Variants in HS6ST3 observed in about 807,000 individuals in gnomAD.
The protein encoded by HS6ST3 is heparan sulfate 6-O-sulfotransferase 3.
A neutral mutation model predicts 36.7 loss-of-function variants in HS6ST3; 12 were observed. That is an observed-to-expected ratio of 0.33 (90% CI 0.21 to 0.53). The LOEUF (loss-of-function observed/expected upper bound fraction) is 0.53, where lower values mean the gene tolerates loss of function less well. Ranked by LOEUF, HS6ST3 falls within the 20% of genes least tolerant of loss-of-function variation. HS6ST3 has a pLI of 0.95. For synonymous variants in HS6ST3, 240 were observed against 257.5 expected (o/e 0.93, Z 0.65); for missense variants, 584 against 640.9 (o/e 0.91, Z 0.96).
intron 1 of HS6ST3, among the ~76,000 whole-genome samples, chr13:96,812,781 A>ACG (rs1004922391): frequency 1.3e-4 from 20 of 151,158 alleles, no homozygotes; most frequent in Non-Finnish European, 2.2e-4. Flanking sequence ...AAAAATCAAC[A>ACG]CACACACACA....
chr13:96,590,738 T>C (rs1380170597), intron 1 of HS6ST3, among the ~76,000 whole-genome samples: 1 of 152,128 alleles, frequency 6.6e-6, no homozygotes, highest in Non-Finnish European at 1.5e-5. Context: ...CCTATACTTG[T>C]GGGGTATTAC....
At chr13:96,638,391 T>C (rs759589729) in intron 1 of HS6ST3, among the ~76,000 whole-genome samples, 1 of 152,046 alleles carries the variant, frequency 6.6e-6, no homozygotes, top group Non-Finnish European at 1.5e-5. Context: ...TTGGTTAATC[T>C]TAGGCAAGTT....
Position 96,317,363 on chromosome 13 carries a change from T to A in HS6ST3, c.707+225794T>A, listed in dbSNP as rs1413557007. On this transcript the variant is annotated intron_variant, in intron 1 of 1. Coordinates refer to ENST00000376705, the MANE Select transcript of HS6ST3 (RefSeq NM_153456.4). ...ATATATATATATATATATATATATATATATAAAATTATATATATATATATA... is the reference window on the plus strand; with the variant it reads ...ATATATATATATATATATATATATAAATATAAAATTATATATATATATATA... 2.6e-4 allele frequency among the ~76,000 whole-genome samples: 5 copies of A among 19,424 alleles called. No homozygotes were observed. In the East Asian group the frequency reaches 7.4e-3, roughly 29 times the overall value. The allele number at this position is 19,424 out of a possible 152,430, so 12.7% of individuals were successfully genotyped here.
chr13:96,433,431 G>A (rs1390744608), intron 1 of HS6ST3, among the ~76,000 whole-genome samples: 1 of 152,148 alleles, frequency 6.6e-6, no homozygotes, highest in African/African-American at 2.4e-5. Flanking sequence ...ATTGAATCCT[G>A]GGGTTGGTTT....
At chr13:96,820,745 T>C (rs1878516742) in intron 1 of HS6ST3, among the ~76,000 whole-genome samples, 1 of 152,258 alleles carries the variant, frequency 6.6e-6, no homozygotes, top group African/African-American at 2.4e-5. Context: ...CCCAACATTC[T>C]TGAAATTATG....
intron 1 of HS6ST3, among the ~76,000 whole-genome samples, chr13:96,184,835 G>A (rs539765665): frequency 6.6e-6 from 1 of 151,566 alleles, no homozygotes; most frequent in East Asian, 1.9e-4. Flanking sequence ...ATTGATTATT[G>A]ATTTTCTTCT....
intron 1 of HS6ST3, among the ~76,000 whole-genome samples, chr13:96,175,724 C>G (rs557664447): frequency 6.6e-6 from 1 of 150,938 alleles, no homozygotes; most frequent in African/African-American, 2.4e-5. Context: ...CTAATTTCCC[C>G]TCTTGTTCTC....
chr13:96,212,506 A>T lies in HS6ST3; in HGVS notation c.707+120937A>T, dbSNP rs1248317432. Among the ~76,000 whole-genome samples, 3 of 152,236 alleles carry T rather than the reference A, an allele frequency of 2.0e-5. No individual in the cohort carries two copies. In the East Asian group the frequency reaches 5.8e-4, roughly 29 times the overall value. On this transcript the variant is annotated intron_variant, in intron 1 of 1. Transcript: ENST00000376705. ...GTGTTCAAATTACATAAATGTAGTCAATTACGTATTTTCAGAGAAAAACAA... is the reference window on the plus strand; with the variant it reads ...GTGTTCAAATTACATAAATGTAGTCTATTACGTATTTTCAGAGAAAAACAA...
intron 1 of HS6ST3, among the ~76,000 whole-genome samples, chr13:96,327,333 A>T (rs922262861): frequency 6.6e-6 from 1 of 151,990 alleles, no homozygotes; most frequent in African/African-American, 2.4e-5. Context: ...TAAGTCTTTA[A>T]TCCATCTTCA....
chr13:96,485,780 C>T (rs1232090505), intron 1 of HS6ST3, among the ~76,000 whole-genome samples: 2 of 152,140 alleles, frequency 1.3e-5, no homozygotes, highest in Non-Finnish European at 2.9e-5. Flanking sequence ...GTTCTACTGA[C>T]ATGACATGTA....
chr13:96,091,066 GC>G lies in HS6ST3; in HGVS notation c.208del (p.Gln70SerfsTer62). On this transcript the variant is annotated frameshift_variant, in exon 1 of 2. Transcript: ENST00000376705. LOFTEE classifies it high-confidence loss of function. Reference sequence around the variant, plus strand: ...CGCCGCCGGAGGAGTGGGAGCGGCGGCCCCAGTTGCCCCCGCCGCCCCGGGG... The same window carrying G: ...CGCCGCCGGAGGAGTGGGAGCGGCGGCCCAGTTGCCCCCGCCGCCCCGGGG... ...QAPPEEWERR[P>X]QLPPPPRGPP... 1 of 1,271,932 alleles carries G rather than the reference GC, an allele frequency of 7.9e-7. No homozygotes were observed. Among genetic ancestry groups the G allele is most frequent in the Non-Finnish European group, 9.9e-7 (1 of 1,012,458 alleles). The allele number at this position is 1,271,932 out of a possible 1,614,324, so 78.8% of individuals were successfully genotyped here.
intron 1 of HS6ST3, among the ~76,000 whole-genome samples, chr13:96,312,951 CAA>C (rs754098470): frequency 0.02 from 1,637 of 81,362 alleles, 18 homozygotes; most frequent in African/African-American, 0.069. Flanking sequence ...GACCCTGTCT[CAA>C]AAAAAAAAAA....
intron 1 of HS6ST3, among the ~76,000 whole-genome samples, chr13:96,233,943 G>T (rs955528921): frequency 2.0e-5 from 3 of 152,140 alleles, no homozygotes; most frequent in Non-Finnish European, 4.4e-5. Context: ...GACTCACAAA[G>T]AAGCCAGGGA....
At chr13:96,158,209 G>T (rs2054119184) in intron 1 of HS6ST3, among the ~76,000 whole-genome samples, 1 of 152,148 alleles carries the variant, frequency 6.6e-6, no homozygotes, top group African/African-American at 2.4e-5. Flanking sequence ...GGTTAGATGG[G>T]TCGCCTGGCT....
intron 1 of HS6ST3, among the ~76,000 whole-genome samples, chr13:96,384,248 T>C (rs1051172444): frequency 7.2e-5 from 11 of 152,262 alleles, no homozygotes; most frequent in African/African-American, 2.6e-4. Context: ...ATTTATTTTA[T>C]TTTATTATTT....
chr13:96,750,018 T>C (rs1254724892), intron 1 of HS6ST3, among the ~76,000 whole-genome samples: 1 of 152,168 alleles, frequency 6.6e-6, no homozygotes, highest in African/African-American at 2.4e-5. Context: ...GAAGATATAG[T>C]TTTGTGTAAA....
chr13:96,304,193 A>T (rs916673035), intron 1 of HS6ST3, among the ~76,000 whole-genome samples: 1 of 151,368 alleles, frequency 6.6e-6, no homozygotes, highest in African/African-American at 2.4e-5. Flanking sequence ...CAATTTTGGC[A>T]TATGTTTTCT....
chr13:96,244,656 G>C (rs2054576593), intron 1 of HS6ST3, among the ~76,000 whole-genome samples: 1 of 152,084 alleles, frequency 6.6e-6, no homozygotes, highest in Admixed American at 6.5e-5. Context: ...CCTAGTTCTA[G>C]GTAATTCACA....
intron 1 of HS6ST3, among the ~76,000 whole-genome samples, chr13:96,392,079 T>C (rs1207944060): frequency 1.3e-5 from 2 of 152,200 alleles, no homozygotes; most frequent in Non-Finnish European, 2.9e-5. Flanking sequence ...TTTCCAACTC[T>C]GTCCATTCCC....
Sources: gnomAD v4.1 joint callset for allele counts (sites outside exome capture counted in the v4.1 genomes callset) on GRCh38, gnomAD v4.1.1 for gene constraint, MANE v1.5 for transcripts, NCBI Gene and HGNC (gene_info 2026-07-23, HGNC 2026-07-21) for gene names.